RRH: variants seen among roughly 807,000 people sequenced by gnomAD.
The protein encoded by RRH is retinal pigment epithelium-derived rhodopsin homolog, also known as visual pigment-like receptor peropsin.
In RRH, 36 loss-of-function variants were observed where a neutral mutation model predicts 33.1. The ratio of observed to expected loss-of-function variants is 1.09; its 90% CI spans 0.83 to 1.44. The LOEUF (loss-of-function observed/expected upper bound fraction) is 1.44, where lower values mean the gene tolerates loss of function less well. Ranked by LOEUF, RRH falls within the 40% of genes most tolerant of loss-of-function variation. The pLI, the probability that RRH is intolerant of heterozygous loss-of-function variation, is 0.00. For synonymous variants in RRH, 124 were observed against 140.2 expected, an observed-to-expected ratio of 0.88 and a Z score of 0.82; for missense variants, 393 against 420.2, an observed-to-expected ratio of 0.94 and a Z score of 0.57.
chr4:109,831,406 G>GTA (rs1733747866), intron 1 of RRH, among the ~76,000 whole-genome samples: 1 of 152,150 alleles, frequency 6.6e-6, no homozygotes, highest in Non-Finnish European at 1.5e-5. Flanking sequence ...TAAATCTGCT[G>GTA]TATGTCACGT....
chr4:109,844,114 T>G lies in RRH; in HGVS notation c.931T>G (p.Cys311Gly), dbSNP rs1427638680. ...GAGGGCAATGCTTGCCATGTTCAAA[T>G]GTCAGACTCACCAAACAATGCCTGT... ...FRRAMLAMFKCQTHQTMPVTS... is the reference protein window; with the variant it reads ...FRRAMLAMFKGQTHQTMPVTS... The change falls in exon 7 of 7, where the codon TGT (cysteine) becomes GGT (glycine). Residue 311 changes from cysteine to glycine, a missense_variant. Coordinates refer to ENST00000317735, the MANE Select transcript of RRH (RefSeq NM_006583.5). The G allele has an allele frequency of 6.2e-7, 1 of 1,613,824 alleles. No individual in the cohort carries two copies. Among genetic ancestry groups the G allele is most frequent in the Non-Finnish European group, 8.5e-7 (1 of 1,179,812 alleles).
chr4:109,840,323 T>TGTCTTATAAATTTGTTTAA (rs1733962509), intron 5 of RRH, among the ~76,000 whole-genome samples: 1 of 152,186 alleles, frequency 6.6e-6, no homozygotes, highest in South Asian at 2.1e-4. Flanking sequence ...TGCTTGTTTT[T>TGTCTTATAAATTTGTTTAA]GTCTTATAAA....
rs753646383 is a variant in RRH, at chr4:109,835,449, C to G, written c.381C>G (p.Ile127Met). Reference protein sequence around the residue: ...TVVAVDRYLTICLPDVGRRMT... With the variant: ...TVVAVDRYLTMCLPDVGRRMT... ...TGGCTGTGGACCGATACCTGACCAT[C>G]TGCCTTCCTGACGTAGGTACAACAC... The change falls in exon 3 of 7, where the codon ATC becomes ATG. Residue 127 changes from isoleucine to methionine, a missense_variant. Transcript: ENST00000317735. 55 of 1,613,050 alleles carry G rather than the reference C, an allele frequency of 3.4e-5. No individual in the cohort carries two copies. Among genetic ancestry groups the G allele is most frequent in the Non-Finnish European group, 4.2e-5 (50 of 1,179,126 alleles).
rs1445075988 is a variant in RRH, at chr4:109,828,144, TTAAG to T, written c.106+17_106+20del. 3 of 1,555,242 alleles carry T rather than the reference TTAAG, an allele frequency of 1.9e-6. No homozygotes were observed. Among genetic ancestry groups the T allele is most frequent in the African/African-American group, 2.7e-5 (2 of 73,772 alleles). On this transcript the variant is annotated intron_variant, in intron 1 of 6. Transcript: ENST00000317735. Reference sequence around the variant, plus strand: ...ACTTGATTATGGCAGGTATGGATATTTAAGTAAGTTATTTTTCTTTAGAATGGGT... The same window carrying T: ...ACTTGATTATGGCAGGTATGGATATTTAAGTTATTTTTCTTTAGAATGGGT...
chr4:109,844,107 G>T lies in RRH; in HGVS notation c.924G>T (p.Met308Ile). The T allele has an allele frequency of 1.9e-6, 3 of 1,613,660 alleles. No homozygotes were observed. The highest frequency in any genetic ancestry group is 2.5e-6 in the Non-Finnish European group (3 of 1,179,630). Residue 308 changes from methionine to isoleucine, a missense_variant, in exon 7 of 7, where the codon ATG (methionine) becomes ATT (isoleucine). Transcript: ENST00000317735. ...NKKFRRAMLAMFKCQTHQTMP... is the reference protein window; with the variant it reads ...NKKFRRAMLAIFKCQTHQTMP... Reference sequence around the variant, plus strand: ...GGTTTCGGAGGGCAATGCTTGCCATGTTCAAATGTCAGACTCACCAAACAA... The same window carrying T: ...GGTTTCGGAGGGCAATGCTTGCCATTTTCAAATGTCAGACTCACCAAACAA...
chr4:109,838,224 C>G (rs1733925542), intron 5 of RRH, among the ~76,000 whole-genome samples: 1 of 152,230 alleles, frequency 6.6e-6, no homozygotes, highest in African/African-American at 2.4e-5. Context: ...ACACCTTTCT[C>G]TCTCCTTACC....
intron 2 of RRH, among the ~76,000 whole-genome samples, chr4:109,833,547 G>A (rs1733808292): frequency 6.6e-6 from 1 of 151,964 alleles, no homozygotes; most frequent in South Asian, 2.1e-4. Flanking sequence ...CAACTCAAAG[G>A]AAGAAACAAA....
At chr4:109,837,635 T>C (rs1185221751) in intron 5 of RRH, 30 bp downstream of exon 5, 2 of 1,589,384 alleles carry the variant, frequency 1.3e-6, no homozygotes, top group Non-Finnish European at 1.7e-6. Flanking sequence ...GAAAAATTGT[T>C]GTCATGGAGC....
intron 5 of RRH, among the ~76,000 whole-genome samples, chr4:109,839,522 A>G (rs961410935): frequency 5.9e-5 from 9 of 152,118 alleles, no homozygotes; most frequent in Non-Finnish European, 1.3e-4. Flanking sequence ...TTACATAGGT[A>G]AACGTGTGCC....
At chr4:109,833,052 T>A in intron 1 of RRH, 87 bp from the exon 2 acceptor site, 1 of 1,098,470 alleles carries the variant, frequency 9.1e-7, no homozygotes, top group South Asian at 1.3e-5. Flanking sequence ...TGTTATGTTT[T>A]TAAAGGGGCT....
At chr4:109,831,658 A>G (rs1733752728) in intron 1 of RRH, among the ~76,000 whole-genome samples, 1 of 152,156 alleles carries the variant, frequency 6.6e-6, no homozygotes, top group African/African-American at 2.4e-5. Context: ...TGGGAGAAAT[A>G]TGAGTCAAGC....
At chr4:109,842,813 G>T (rs1560586558) in intron 6 of RRH, among the ~76,000 whole-genome samples, 166 bp downstream of exon 6, 3 of 152,232 alleles carry the variant, frequency 2.0e-5, no homozygotes, top group Admixed American at 2.0e-4. Context: ...TAGAGCTCCA[G>T]ATTTGTTACA....
In RRH at chr4:109,844,610, G is replaced by C. The variant is rs1734047158; in HGVS notation, c.*413G>C. Reference sequence around the variant, plus strand: ...TGGATGTTCCCAGTTAGAATAGAAAGCATTTTTTGAATTTCAACATTTTAA... The same window carrying C: ...TGGATGTTCCCAGTTAGAATAGAAACCATTTTTTGAATTTCAACATTTTAA... On this transcript the variant is annotated 3_prime_UTR_variant, in exon 7 of 7. Transcript: ENST00000317735. 1 of 155,642 alleles carries C rather than the reference G, an allele frequency of 6.4e-6. No homozygotes were observed. The highest frequency in any genetic ancestry group is 2.4e-5 in the African/African-American group (1 of 41,426). 9.6% of individuals were successfully genotyped at this position (155,642 alleles called of 1,614,324 possible).
At chr4:109,843,835 A>G (rs1395843441) in intron 6 of RRH, among the ~76,000 whole-genome samples, 1 of 152,236 alleles carries the variant, frequency 6.6e-6, no homozygotes, top group East Asian at 1.9e-4. Context: ...TAACTGTACC[A>G]TATACCTTAT....
intron 1 of RRH, among the ~76,000 whole-genome samples, chr4:109,828,552 T>A (rs1334761704): frequency 2.0e-5 from 3 of 152,098 alleles, no homozygotes; most frequent in Admixed American, 6.6e-5. Flanking sequence ...CATTTACTAT[T>A]CTTATACATA....
At chr4:109,828,401 ATAAG>A (rs1192696982) in intron 1 of RRH, among the ~76,000 whole-genome samples, 8 of 152,160 alleles carry the variant, frequency 5.3e-5, no homozygotes, top group African/African-American at 9.6e-5. Context: ...ATTTTGGTAA[ATAAG>A]AGCAGTGAAG....
intron 1 of RRH, among the ~76,000 whole-genome samples, chr4:109,829,611 A>G (rs760582806): frequency 6.3e-4 from 96 of 152,298 alleles, no homozygotes; most frequent in Non-Finnish European, 1.1e-3. Context: ...AACCTTACAC[A>G]TACAGAATAA....
Position 109,844,215 on chromosome 4 carries a change from C to A in RRH, c.*18C>A. 1 of 1,499,030 alleles carries A rather than the reference C, an allele frequency of 6.7e-7. No individual in the cohort carries two copies. Among genetic ancestry groups the A allele is most frequent in the Non-Finnish European group, 9.3e-7 (1 of 1,075,410 alleles). 92.9% of individuals were successfully genotyped at this position (1,499,030 alleles called of 1,614,324 possible). A position where few individuals can be genotyped will look rare whatever the true frequency, so the allele number is the denominator to read the frequency against. On this transcript the variant is annotated 3_prime_UTR_variant, in exon 7 of 7. Transcript: ENST00000317735. ...GAATCTGAAATAAGATAAAAGGACACACTATCAAAACACTTTAGTTTTTTG... is the reference window on the plus strand; with the variant it reads ...GAATCTGAAATAAGATAAAAGGACAAACTATCAAAACACTTTAGTTTTTTG...
chr4:109,844,728 AT>A lies in RRH; in HGVS notation c.*533del, dbSNP rs1257709480. ...TAAAATGTTAAGTCAATGCATATAT[AT>A]TATATAGCATTATGACCCCTGTGCA... On this transcript the variant is annotated 3_prime_UTR_variant, in exon 7 of 7. Transcript: ENST00000317735. 6.5e-6 allele frequency: 1 copy of A among 153,756 alleles called. No homozygotes were observed. Among genetic ancestry groups the A allele is most frequent in the East Asian group, 1.9e-4 (1 of 5,230 alleles). The allele number at this position is 153,756 out of a possible 1,614,324, so 9.5% of individuals were successfully genotyped here. A position where few individuals can be genotyped will look rare whatever the true frequency, so the allele number is the denominator to read the frequency against.
Sources: gnomAD v4.1 joint callset for allele counts (sites outside exome capture counted in the v4.1 genomes callset) on GRCh38, gnomAD v4.1.1 for gene constraint, MANE v1.5 for transcripts, NCBI Gene and HGNC (gene_info 2026-07-23, HGNC 2026-07-21) for gene names.